The following COG3 variants were observed in gnomAD, a reference collection of about 807,000 sequenced individuals.
COG3 encodes component of oligomeric golgi complex 3.
COG3 carries 32 observed loss-of-function variants against 114.1 expected under a neutral mutation model. The observed-to-expected ratio is 0.28, with a 90% CI of 0.21 to 0.38. The LOEUF is 0.38. COG3 is among the 10% of genes least tolerant of loss of function. The probability of loss-of-function intolerance (pLI) is 1.00; values close to 1 mark genes in which losing one functional copy is unlikely to be tolerated. For synonymous variants in COG3, 352 were observed against 365.7 expected (o/e 0.96, Z 0.43); for missense variants, 813 against 973.2 (o/e 0.84, Z 2.19).
chr13:45,488,945 T>A (rs947217511), intron 8 of COG3, among the ~76,000 whole-genome samples: 1 of 151,726 alleles, frequency 6.6e-6, no homozygotes, highest in African/African-American at 2.4e-5. Context: ...CCTAGTACAT[T>A]GGGAGGTCAA....
chr13:45,491,059 C>T, intron 9 of COG3, 101 bp downstream of exon 9: 2 of 793,086 alleles, frequency 2.5e-6, no homozygotes, highest in South Asian at 1.7e-5. Flanking sequence ...AATTGCCTTC[C>T]AGCTTGTTCT....
intron 16 of COG3, among the ~76,000 whole-genome samples, chr13:45,513,293 TTATACATATAATA>T: frequency 7.7e-6 from 1 of 130,526 alleles, no homozygotes; most frequent in East Asian, 2.0e-4. Context: ...TACATATAAA[TTATACATATAATA>T]TATACATATA....
At chr13:45,488,266 T>C (rs1297416191) in intron 8 of COG3, among the ~76,000 whole-genome samples, 1 of 152,072 alleles carries the variant, frequency 6.6e-6, no homozygotes, top group Non-Finnish European at 1.5e-5. Context: ...TTAATGGGTA[T>C]AAATGTACAG....
At chr13:45,513,242 A>G (rs1871100776) in intron 16 of COG3, among the ~76,000 whole-genome samples, 2 of 46,988 alleles carry the variant, frequency 4.3e-5, no homozygotes, top group Admixed American at 2.8e-4. Flanking sequence ...ATACATATAA[A>G]TTATACATAT....
intron 8 of COG3, among the ~76,000 whole-genome samples, chr13:45,490,488 G>A (rs1288131538): frequency 6.6e-6 from 1 of 152,030 alleles, no homozygotes; most frequent in East Asian, 1.9e-4. Flanking sequence ...GTAGAAATGG[G>A]ATATTATGTA....
At chr13:45,469,086 GAGA>G (rs1372898289) in intron 1 of COG3, among the ~76,000 whole-genome samples, 1 of 152,220 alleles carries the variant, frequency 6.6e-6, no homozygotes, top group Non-Finnish European at 1.5e-5. Context: ...CTTGGTTTGA[GAGA>G]AGATGGTTTT....
In COG3 at chr13:45,493,461, G is replaced by A. The variant is rs1887141515; in HGVS notation, c.1302G>A (p.Val434=). The A allele has an allele frequency of 1.2e-6, 2 of 1,613,160 alleles. No homozygotes were observed. Among genetic ancestry groups the A allele is most frequent in the African/African-American group, 1.3e-5 (1 of 74,954 alleles). ...TTTGTGGGATTCTTAAAAATGAGGT[G>A]CTTGAAGATCATGTGCAGAACAATG... ...SELCGILKNE[V]LEDHVQNNAE... is the part of the protein sequence containing the mutation. Residue 434 remains valine, a synonymous_variant, in exon 12 of 23, where the codon GTG becomes GTA. Transcript: ENST00000349995.
Position 45,491,459 on chromosome 13 carries a change from G to A in COG3, c.1016G>A (p.Arg339Gln), listed in dbSNP as rs1029627805. 3 of 1,613,516 alleles carry A rather than the reference G, an allele frequency of 1.9e-6. No individual in the cohort carries two copies. The highest frequency in any genetic ancestry group is 1.1e-5 in the South Asian group (1 of 91,020). The change falls in exon 10 of 23, where the codon CGG becomes CAG. Residue 339 changes from arginine (R) to glutamine (Q), a missense_variant. Physicochemically the swap from Arg to Gln is conservative, Grantham distance 43. Transcript: ENST00000349995. ...ATCCACCAGTGTTACCTTGATCAGC[G>A]GGAGCTCCTTTTGGGCCCTAGTATT... ...NDIHQCYLDQ[R>Q]ELLLGPSIAC...
chr13:45,483,460 A>C (rs1462025962), intron 7 of COG3, 105 bp downstream of exon 7: 1 of 841,846 alleles, frequency 1.2e-6, no homozygotes, highest in Non-Finnish European at 1.7e-6. Context: ...ATTCCAAAAA[A>C]TTTTAACCTT....
At chr13:45,497,788 C>CAACAACAAT (rs1242680743) in intron 13 of COG3, among the ~76,000 whole-genome samples, 9 of 148,318 alleles carry the variant, frequency 6.1e-5, no homozygotes, top group Non-Finnish European at 1.3e-4. Flanking sequence ...CCTGTCTCAA[C>CAACAACAAT]AACAACAACA....
intron 14 of COG3, among the ~76,000 whole-genome samples, chr13:45,505,060 G>A (rs779031146): frequency 4.6e-5 from 7 of 151,718 alleles, no homozygotes; most frequent in Non-Finnish European, 1.0e-4. Context: ...GGCTGCATGC[G>A]CCTGTAATCC....
intron 17 of COG3, among the ~76,000 whole-genome samples, chr13:45,518,464 A>G (rs1032103579): frequency 1.3e-5 from 2 of 152,244 alleles, no homozygotes; most frequent in African/African-American, 2.4e-5. Context: ...CCTATTTAAT[A>G]TCCTAAAAGT....
chr13:45,469,128 C>G (rs781097816), intron 1 of COG3, among the ~76,000 whole-genome samples: 3 of 152,140 alleles, frequency 2.0e-5, no homozygotes, highest in Non-Finnish European at 4.4e-5. Flanking sequence ...AGGGAGCCTC[C>G]TTTTGCCTCT....
At chr13:45,507,243 A>G (rs1327580189) in intron 14 of COG3, among the ~76,000 whole-genome samples, 1 of 152,240 alleles carries the variant, frequency 6.6e-6, no homozygotes, top group African/African-American at 2.4e-5. Flanking sequence ...TGCACATACC[A>G]TATTCCTAAG....
intron 19 of COG3, among the ~76,000 whole-genome samples, chr13:45,521,007 C>G (rs952239315): frequency 6.6e-6 from 1 of 152,054 alleles, no homozygotes; most frequent in Admixed American, 6.6e-5. Context: ...AAAGGTTGTT[C>G]TAGAACAGCA....
chr13:45,496,033 C>G (rs1401747505), intron 12 of COG3, 119 bp from the exon 13 acceptor site: 20 of 843,070 alleles, frequency 2.4e-5, no homozygotes, highest in Non-Finnish European at 3.4e-5. Context: ...AATACAATCA[C>G]AGCCTCTGAA....
intron 12 of COG3, among the ~76,000 whole-genome samples, chr13:45,494,565 A>G (rs1868512221): frequency 6.6e-6 from 1 of 152,008 alleles, no homozygotes; most frequent in South Asian, 2.1e-4. Context: ...CACTCTTGTC[A>G]TCCAGGCTGG....
chr13:45,531,755 C>T (rs1407613912), intron 22 of COG3, among the ~76,000 whole-genome samples: 2 of 152,110 alleles, frequency 1.3e-5, no homozygotes, highest in East Asian at 3.8e-4. Flanking sequence ...ATCTGCCGGC[C>T]TCAGCTTCCT....
intron 19 of COG3, among the ~76,000 whole-genome samples, chr13:45,522,062 C>T (rs148079522): frequency 1.0e-3 from 158 of 152,292 alleles, no homozygotes; most frequent in African/African-American, 3.7e-3. Context: ...TCCTCGGCCA[C>T]CCAAAGTGCT....
Sources: gnomAD v4.1 joint callset for allele counts (sites outside exome capture counted in the v4.1 genomes callset) on GRCh38, gnomAD v4.1.1 for gene constraint, MANE v1.5 for transcripts, NCBI Gene and HGNC (gene_info 2026-07-23, HGNC 2026-07-21) for gene names.